The following BMERB1 variants were observed in gnomAD, a reference collection of about 807,000 sequenced individuals.
The protein encoded by BMERB1 is bMERB domain containing 1, also known as bMERB domain-containing protein 1.
In BMERB1, 12 loss-of-function variants were observed where a neutral mutation model predicts 23.6. That is an observed-to-expected ratio of 0.51 (90% CI 0.33 to 0.82). The LOEUF is 0.82. BMERB1 is among the 40% of genes least tolerant of loss of function. The pLI is 0.03. For synonymous variants in BMERB1, 122 were observed against 96.6 expected (o/e 1.26, Z -1.54); for missense variants, 247 against 255.4 (o/e 0.97, Z 0.22).
chr16:15,471,018 G>A (rs2051224950), intron 1 of BMERB1, among the ~76,000 whole-genome samples: 1 of 150,888 alleles, frequency 6.6e-6, no homozygotes, highest in African/African-American at 2.4e-5. Context: ...TTGTATTTTA[G>A]TAGAGATGGG....
At chr16:15,444,909 G>A (rs1209462516) in intron 1 of BMERB1, among the ~76,000 whole-genome samples, 3 of 152,148 alleles carry the variant, frequency 2.0e-5, no homozygotes, top group Non-Finnish European at 4.4e-5. Context: ...CTCAAAGTCA[G>A]TTTTTGAGAC....
At chr16:15,586,300 G>A (rs2031138830) in intron 5 of BMERB1, among the ~76,000 whole-genome samples, 1 of 152,146 alleles carries the variant, frequency 6.6e-6, no homozygotes, top group South Asian at 2.1e-4. Flanking sequence ...GGAGGTGGAG[G>A]TATCTGAAAA....
intron 1 of BMERB1, among the ~76,000 whole-genome samples, chr16:15,484,366 C>T (rs1176312951): frequency 6.6e-6 from 1 of 152,088 alleles, no homozygotes; most frequent in East Asian, 1.9e-4. Flanking sequence ...TGTGAAATCT[C>T]TGATATCTGC....
At chr16:15,553,705 A>G (rs188293863) in intron 2 of BMERB1, among the ~76,000 whole-genome samples, 4 of 152,304 alleles carry the variant, frequency 2.6e-5, no homozygotes, top group African/African-American at 9.6e-5. Flanking sequence ...AACTATTCTT[A>G]GTTCGTGAGT....
At chr16:15,542,064 C>CT (rs1462459265) in intron 2 of BMERB1, among the ~76,000 whole-genome samples, 13,664 of 127,828 alleles carry the variant, frequency 0.11, 2,493 homozygotes, top group African/African-American at 0.37. Flanking sequence ...GACCACCTGT[C>CT]TTTTTTTTTT....
At chr16:15,534,286 C>CAAAAAAA (rs1168488547) in intron 2 of BMERB1, among the ~76,000 whole-genome samples, 40 of 41,970 alleles carry the variant, frequency 9.5e-4, no homozygotes, top group East Asian at 6.5e-3. Context: ...TTTTTAATTG[C>CAAAAAAA]AAAAAAAAAA....
At chr16:15,539,637 A>G (rs966892403) in intron 2 of BMERB1, among the ~76,000 whole-genome samples, 2 of 151,972 alleles carry the variant, frequency 1.3e-5, no homozygotes, top group Non-Finnish European at 2.9e-5. Context: ...AGGTCAAGAG[A>G]TCAAGACCAG....
intron 2 of BMERB1, among the ~76,000 whole-genome samples, chr16:15,542,054 G>A (rs1165376163): frequency 4.1e-5 from 6 of 147,460 alleles, no homozygotes; most frequent in South Asian, 4.3e-4. Flanking sequence ...CAGTGCCCCC[G>A]ACCACCTGTC....
intron 1 of BMERB1, among the ~76,000 whole-genome samples, chr16:15,509,286 A>T (rs1287659392): frequency 2.8e-5 from 3 of 108,388 alleles, no homozygotes; most frequent in African/African-American, 1.1e-4. Context: ...CCTCACCAGG[A>T]GGCTGGATTA....
chr16:15,583,922 GT>G (rs757933892), intron 5 of BMERB1: 22 of 685,074 alleles, frequency 3.2e-5, no homozygotes, highest in Admixed American at 1.3e-4. Context: ...CCTGGTAGTT[GT>G]TCCTCCCTAA....
In BMERB1 at chr16:15,491,247, C is replaced by T. The variant is rs142126745; in HGVS notation, c.107-24058C>T. Among the ~76,000 whole-genome samples the T allele has an allele frequency of 1.1e-3, 172 of 152,298 alleles. 2 individuals are homozygous for T. The highest frequency in any genetic ancestry group is 4.0e-3 in the African/African-American group (167 of 41,576). On this transcript the variant is annotated intron_variant, in intron 1 of 5. Coordinates refer to ENST00000300006, the MANE Select transcript of BMERB1 (RefSeq NM_033201.3). The stretch of plus-strand genomic sequence containing the variant: ...CCCAGGCTTTGCACACATTAGTAGG[C>T]GTTCGATCCTTTAACAATTCTTTGA...
At chr16:15,458,324 TTATAGTATCTACCACAGTG>T (rs1439161653) in intron 1 of BMERB1, among the ~76,000 whole-genome samples, 3 of 152,204 alleles carry the variant, frequency 2.0e-5, no homozygotes, top group African/African-American at 7.2e-5. Context: ...ATCTTTGAAT[TTATAGTATCTACCACAGTG>T]TCTGACACAT....
chr16:15,566,990 C>T (rs1270116257), intron 2 of BMERB1, among the ~76,000 whole-genome samples: 4 of 151,730 alleles, frequency 2.6e-5, no homozygotes, highest in South Asian at 2.1e-4. Flanking sequence ...CAAGACCAGC[C>T]GGGCAACATA....
At chr16:15,555,539 G>A (rs995489476) in intron 2 of BMERB1, among the ~76,000 whole-genome samples, 2 of 152,182 alleles carry the variant, frequency 1.3e-5, no homozygotes, top group Non-Finnish European at 1.5e-5. Flanking sequence ...CTTGAAGAAG[G>A]TGACATTTGT....
intron 1 of BMERB1, among the ~76,000 whole-genome samples, chr16:15,451,632 C>T (rs530500150): frequency 4.6e-4 from 66 of 143,226 alleles, no homozygotes; most frequent in African/African-American, 1.7e-3. Context: ...AATCATGGCT[C>T]ACTGAAGCCT....
chr16:15,534,553 T>TC (rs2052007404), intron 2 of BMERB1, among the ~76,000 whole-genome samples: 1 of 150,628 alleles, frequency 6.6e-6, no homozygotes, highest in South Asian at 2.1e-4. Flanking sequence ...GACTCTGTCT[T>TC]AAAAAAAAAG....
Position 15,581,349 on chromosome 16 carries a change from A to G in BMERB1, c.419+18A>G, listed in dbSNP as rs777767775. ...CGGTTAAGGTGAGTGCACTGCGGGT[A>G]CCCGATCACTGGGCTGCAGGACAGC... On this transcript the variant is annotated intron_variant, in intron 4 of 5. Transcript: ENST00000300006. 9 of 1,598,652 alleles carry G rather than the reference A, an allele frequency of 5.6e-6. No homozygotes were observed. In the East Asian group the frequency reaches 1.8e-4, roughly 32 times the overall value.
intron 2 of BMERB1, among the ~76,000 whole-genome samples, chr16:15,517,846 TGTGGATGTGTGTGTGTG>T (rs1318337310): frequency 1.2e-5 from 1 of 83,504 alleles, no homozygotes; most frequent in Non-Finnish European, 2.8e-5. Context: ...ATATGTGTAT[TGTGGATGTGTGTGTGTG>T]GATGTGTGTG....
intron 1 of BMERB1, among the ~76,000 whole-genome samples, chr16:15,459,644 T>C (rs1316518265): frequency 6.6e-6 from 1 of 152,222 alleles, no homozygotes; most frequent in Non-Finnish European, 1.5e-5. Context: ...GTGTGAATAT[T>C]GTAACTTACA....
Sources: gnomAD v4.1 joint callset for allele counts (sites outside exome capture counted in the v4.1 genomes callset) on GRCh38, gnomAD v4.1.1 for gene constraint, MANE v1.5 for transcripts, NCBI Gene and HGNC (gene_info 2026-07-23, HGNC 2026-07-21) for gene names.